Variants in CAP1 observed in about 807,000 individuals in gnomAD.
CAP1 encodes cyclase associated actin cytoskeleton regulatory protein 1.
A neutral mutation model predicts 58.2 loss-of-function variants in CAP1; 11 were observed. The observed-to-expected ratio is 0.19, with a 90% confidence interval of 0.12 to 0.31. The LOEUF (loss-of-function observed/expected upper bound fraction) is 0.31. CAP1 is among the 10% of genes least tolerant of loss of function. CAP1 has a pLI of 1.00. For missense variants in CAP1, 423 were observed against 587.5 expected, an observed-to-expected ratio of 0.72 and a Z score of 2.89; for synonymous variants, 183 against 213.8, an observed-to-expected ratio of 0.86 and a Z score of 1.26.
At chr1:40,048,023 C>T (rs975289391) in intron 1 of CAP1, among the ~76,000 whole-genome samples, 3 of 151,030 alleles carry the variant, frequency 2.0e-5, no homozygotes, top group Non-Finnish European at 4.4e-5. Context: ...ACAGTGGCTC[C>T]TGATTTGGGT....
At chr1:40,045,436 G>T (rs1646046968) in intron 1 of CAP1, among the ~76,000 whole-genome samples, 1 of 152,186 alleles carries the variant, frequency 6.6e-6, no homozygotes, top group Non-Finnish European at 1.5e-5. Context: ...GAATTTCTGG[G>T]TGGGCAGGTT....
chr1:40,045,063 T>C (rs1296221350), intron 1 of CAP1, among the ~76,000 whole-genome samples: 2 of 151,800 alleles, frequency 1.3e-5, no homozygotes, highest in South Asian at 4.1e-4. Flanking sequence ...GGATTACAGG[T>C]GTGAGCCACC....
At position 40,069,825 on chromosome 1, in the gene CAP1, C is replaced by T. The variant is rs759615015; in HGVS notation, c.944C>T (p.Thr315Ile). The change falls in exon 9 of 13, where the codon ACA (threonine) becomes ATA (isoleucine). Residue 315 changes from threonine to isoleucine, a missense_variant. Transcript: ENST00000372805. ...PQTSPSPKRA[T>I]KKEPAVLELE... Reference sequence around the variant, plus strand: ...ACCAGCCCATCCCCCAAACGAGCCACAAAGAAGGAGCCAGCTGTACTTGAA... The same window carrying T: ...ACCAGCCCATCCCCCAAACGAGCCATAAAGAAGGAGCCAGCTGTACTTGAA... 37 of 1,602,832 alleles carry T rather than the reference C, an allele frequency of 2.3e-5. No homozygotes were observed. The Admixed American group carries it at 2.4e-4, about 11-fold the overall frequency.
chr1:40,067,890 G>A (rs1647171716), intron 8 of CAP1, among the ~76,000 whole-genome samples, 173 bp downstream of exon 8: 1 of 152,208 alleles, frequency 6.6e-6, no homozygotes, highest in African/African-American at 2.4e-5. Context: ...TGAAAATGAT[G>A]ATCACAGTTG....
intron 3 of CAP1, among the ~76,000 whole-genome samples, chr1:40,061,349 C>CT: frequency 6.6e-6 from 1 of 152,172 alleles, no homozygotes. Context: ...AGGCCTTTGC[C>CT]TTTACTCCTG....
intron 4 of CAP1, among the ~76,000 whole-genome samples, chr1:40,064,026 G>A (rs1006752232): frequency 1.3e-5 from 2 of 152,226 alleles, no homozygotes; most frequent in African/African-American, 4.8e-5. Context: ...AGAACCATCA[G>A]GTGCAGCCTG....
At chr1:40,063,358 A>G (rs1165496961) in intron 4 of CAP1, among the ~76,000 whole-genome samples, 5 of 151,780 alleles carry the variant, frequency 3.3e-5, no homozygotes, top group Admixed American at 2.6e-4. Context: ...TTGTATTTTT[A>G]TAGAGATGGG....
At chr1:40,062,765 A>G (rs1227085791) in intron 4 of CAP1, among the ~76,000 whole-genome samples, 1 of 72,194 alleles carries the variant, frequency 1.4e-5, no homozygotes, top group Non-Finnish European at 2.9e-5. Flanking sequence ...ACCTTCTCTC[A>G]AAAAACATTG....
rs72214452 is a variant in CAP1, at chr1:40,049,178, A to ATTTTTTTTTTTTTTTTTTTTTTTTT, written c.-11+8379_-11+8403dup. Among the ~76,000 whole-genome samples, 10 of 84,884 alleles carry ATTTTTTTTTTTTTTTTTTTTTTTTT rather than the reference A, an allele frequency of 1.2e-4. 2 individuals are homozygous for ATTTTTTTTTTTTTTTTTTTTTTTTT. Among genetic ancestry groups the ATTTTTTTTTTTTTTTTTTTTTTTTT allele is most frequent in the Non-Finnish European group, 1.5e-4 (7 of 47,986 alleles). The allele number at this position is 84,884 out of a possible 152,430, so 55.7% of individuals were successfully genotyped here. ...TGGCAGGAATCACTAGCCATTTCTAATTTTTTTTTTTTTTTTTTTTTTTTT... is the reference window on the plus strand; with the variant it reads ...TGGCAGGAATCACTAGCCATTTCTAATTTTTTTTTTTTTTTTTTTTTTTTTTTTTTTTTTTTTTTTTTTTTTTTTT... On this transcript the variant is annotated intron_variant, in intron 1 of 12. Transcript: ENST00000372805.
At chr1:40,062,579 G>A (rs576484629) in intron 4 of CAP1, among the ~76,000 whole-genome samples, 252 of 151,998 alleles carry the variant, frequency 1.7e-3, no homozygotes, top group African/African-American at 5.5e-3. Context: ...GCAAGACCTC[G>A]TCTCTATTAA....
At chr1:40,059,257 G>A in intron 1 of CAP1, 80 bp from the exon 2 acceptor site, 1 of 779,130 alleles carries the variant, frequency 1.3e-6, no homozygotes, top group South Asian at 1.6e-5. Flanking sequence ...ACCTGGGGAT[G>A]ACCAGGAATT....
At chr1:40,050,475 A>G (rs902870711) in intron 1 of CAP1, among the ~76,000 whole-genome samples, 5 of 26,288 alleles carry the variant, frequency 1.9e-4, no homozygotes, top group Non-Finnish European at 3.3e-4. Context: ...CCAGGCCAAC[A>G]TGGCGAAACC....
intron 1 of CAP1, among the ~76,000 whole-genome samples, chr1:40,048,756 C>T (rs1646223042): frequency 6.6e-6 from 1 of 152,146 alleles, no homozygotes; most frequent in Non-Finnish European, 1.5e-5. Context: ...ATAGATCTAA[C>T]ATTGCAGCAA....
At chr1:40,041,250 G>A (rs549233681) in intron 1 of CAP1, among the ~76,000 whole-genome samples, 2 of 152,346 alleles carry the variant, frequency 1.3e-5, no homozygotes, top group African/African-American at 4.8e-5. Context: ...AGTTCTTCCC[G>A]TGTTGCTCGG....
chr1:40,064,058 A>T (rs546423648), intron 4 of CAP1, among the ~76,000 whole-genome samples, 169 bp from the exon 5 acceptor site: 104 of 152,296 alleles, frequency 6.8e-4, no homozygotes, highest in African/African-American at 2.5e-3. Flanking sequence ...CTCTACGAGG[A>T]GAGTGAGATG....
rs939671261 is a variant in CAP1, at chr1:40,048,096, G to A, written c.-11+7295G>A. ...GTGTCTTGCTCTGTCTTGGCTCACC[G>A]TAACCTCCGCCTCCCGGGTTCAAGC... On this transcript the variant is annotated intron_variant, in intron 1 of 12. Coordinates refer to ENST00000372805, the MANE Select transcript of CAP1 (RefSeq NM_006367.4). 7.3e-5 allele frequency among the ~76,000 whole-genome samples: 11 copies of A among 151,058 alleles called. No homozygotes were observed. The East Asian group carries it at 1.2e-3, about 16-fold the overall frequency.
chr1:40,068,760 C>T (rs1260268282), intron 8 of CAP1, among the ~76,000 whole-genome samples: 1 of 152,084 alleles, frequency 6.6e-6, no homozygotes. Flanking sequence ...CGTGTGTCAG[C>T]CTGCTGTGGG....
chr1:40,070,854 A>C lies in CAP1; in HGVS notation c.1219A>C (p.Thr407Pro). Residue 407 changes from threonine to proline, a missense_variant, in exon 12 of 13, where the codon ACC (threonine) becomes CCC (proline). Transcript: ENST00000372805. ...TCTGCAGGTAATGGGTAAAGTGCCA[A>C]CCATATCCATCAACAAAACAGATGG... is the stretch of plus-strand genomic sequence containing the variant. ...VKVQVMGKVPTISINKTDGCH... is the reference protein window; with the variant it reads ...VKVQVMGKVPPISINKTDGCH... The C allele has an allele frequency of 1.9e-6, 3 of 1,612,652 alleles. No homozygotes were observed. The highest frequency in any genetic ancestry group is 2.5e-6 in the Non-Finnish European group (3 of 1,179,742).
chr1:40,060,074 A>G lies in CAP1; in HGVS notation c.120A>G (p.Ala40=), dbSNP rs1646782856. The G allele has an allele frequency of 6.2e-7, 1 of 1,612,752 alleles. No homozygotes were observed. The change falls in exon 3 of 13, where the codon GCA becomes GCG. Residue 40 remains alanine (A), a synonymous_variant. Transcript: ENST00000372805. ...GYADSPSKAG[A]APYVQAFDSL... ...TGGTGTGTTTGTCTTTAGCAGGAGC[A>G]GCTCCATATGTGCAGGCATTTGACT...
Sources: allele counts gnomAD v4.1 joint callset (sites outside exome capture counted in the v4.1 genomes callset), GRCh38; gene constraint gnomAD v4.1.1; transcripts MANE v1.5; gene names NCBI Gene and HGNC (gene_info 2026-07-23, HGNC 2026-07-21).